TRANK1: variants seen among roughly 807,000 people sequenced by gnomAD.
TRANK1 encodes tetratricopeptide repeat and ankyrin repeat containing 1.
A neutral mutation model predicts 266.0 loss-of-function variants in TRANK1; 198 were observed. That is an observed-to-expected ratio of 0.74 (90% CI 0.66 to 0.84). TRANK1 has a LOEUF of 0.84. Among genes scored for constraint, TRANK1 ranks in the 40% least tolerant of loss-of-function variants. The pLI is 0.00. For synonymous variants in TRANK1, 1,396 were observed against 1,384.1 expected, an observed-to-expected ratio of 1.01 and a Z score of -0.19; for missense variants, 3,326 against 3,634.6, an observed-to-expected ratio of 0.92 and a Z score of 2.18.
rs1228958626 is a variant in TRANK1, at chr3:36,828,378, GAAGA to G, written c.8810-7_8810-4del. The G allele has an allele frequency of 1.6e-6, 2 of 1,249,918 alleles. No homozygotes were observed. The highest frequency in any genetic ancestry group is 2.1e-6 in the Non-Finnish European group (2 of 934,634). 77.4% of individuals were successfully genotyped at this position (1,249,918 alleles called of 1,614,324 possible). On this transcript the variant is annotated splice_region_variant and splice_polypyrimidine_tract_variant and intron_variant, in intron 23 of 23. Transcript: ENST00000645898. ...ATAATCATCTTCCTGAACAATACCT[GAAGA>G]AAGAAAGAAGGAAGGAAGGAAGGAA... is the stretch of plus-strand genomic sequence containing the variant.
intron 1 of TRANK1, among the ~76,000 whole-genome samples, chr3:36,921,342 T>A (rs1052103113): frequency 3.3e-5 from 5 of 152,234 alleles, no homozygotes; most frequent in Non-Finnish European, 7.3e-5. Flanking sequence ...CATTACTCCA[T>A]TCACGAGTCA....
chr3:36,871,646 T>C (rs1441486519), intron 9 of TRANK1, among the ~76,000 whole-genome samples: 1 of 152,010 alleles, frequency 6.6e-6, no homozygotes, highest in Non-Finnish European at 1.5e-5. Flanking sequence ...CTAAACATCA[T>C]ATGTCAAAGC....
intron 21 of TRANK1, 56 bp downstream of exon 21, chr3:36,834,706 C>T (rs930271912): frequency 6.4e-7 from 1 of 1,567,826 alleles, no homozygotes; most frequent in African/African-American, 1.4e-5. Context: ...AGCAGGCTGC[C>T]CCCAGAGAGA....
intron 18 of TRANK1, among the ~76,000 whole-genome samples, 162 bp from the exon 19 acceptor site, chr3:36,838,878 T>C (rs1575183859): frequency 6.6e-6 from 1 of 152,248 alleles, no homozygotes; most frequent in East Asian, 1.9e-4. Context: ...CTAAAGAAAG[T>C]AGTCTTGGAG....
At chr3:36,891,993 G>T (rs1399186126) in intron 7 of TRANK1, among the ~76,000 whole-genome samples, 1 of 152,212 alleles carries the variant, frequency 6.6e-6, no homozygotes, top group Non-Finnish European at 1.5e-5. Flanking sequence ...AATCCTTTCC[G>T]TTTGGACCTC....
intron 8 of TRANK1, among the ~76,000 whole-genome samples, chr3:36,882,194 C>T: frequency 6.6e-6 from 1 of 152,176 alleles, no homozygotes; most frequent in Non-Finnish European, 1.5e-5. Context: ...TTTTCTTACC[C>T]ACCAGCAATG....
chr3:36,839,202 T>C (rs2078810727), intron 18 of TRANK1, among the ~76,000 whole-genome samples: 1 of 152,126 alleles, frequency 6.6e-6, no homozygotes, highest in Non-Finnish European at 1.5e-5. Flanking sequence ...AAAGATGGTA[T>C]CACAACACAT....
chr3:36,848,379 T>C (rs1456172627), intron 15 of TRANK1, among the ~76,000 whole-genome samples: 1 of 152,252 alleles, frequency 6.6e-6, no homozygotes, highest in Non-Finnish European at 1.5e-5. Context: ...CAGACCCCAG[T>C]AAAACTGAAG....
rs2079451118 is a variant in TRANK1 at position 36,879,643 on chromosome 3, C to CAAATATATATAAATATATATAAATATAT, written c.908-5348_908-5347insATATATTTATATATATTTATATATATTT. Among the ~76,000 whole-genome samples the CAAATATATATAAATATATATAAATATAT allele has an allele frequency of 4.0e-5, 2 of 49,500 alleles. 1 individual carries two copies. Among genetic ancestry groups the CAAATATATATAAATATATATAAATATAT allele is most frequent in the East Asian group, 2.8e-3 (2 of 712 alleles). 32.5% of individuals were successfully genotyped at this position (49,500 alleles called of 152,430 possible). On this transcript the variant is annotated intron_variant, in intron 8 of 23. Transcript: ENST00000645898. The stretch of plus-strand genomic sequence containing the variant: ...ATATATATAAATATATATAAATATA[C>CAAATATATATAAATATATATAAATATAT]AAATATATATAAATATATAAATATA...
intron 1 of TRANK1, among the ~76,000 whole-genome samples, chr3:36,914,242 T>C (rs960409618): frequency 2.6e-5 from 4 of 151,978 alleles, no homozygotes; most frequent in Non-Finnish European, 1.5e-5. Flanking sequence ...CAAGCTATTC[T>C]CCTGCCTCAG....
intron 1 of TRANK1, among the ~76,000 whole-genome samples, chr3:36,930,886 A>C (rs1171962410): frequency 1.3e-5 from 2 of 152,202 alleles, no homozygotes; most frequent in East Asian, 3.8e-4. Context: ...TGTTTGTTAA[A>C]ACTCACTGAG....
chr3:36,907,085 A>C (rs1468357923), intron 2 of TRANK1, among the ~76,000 whole-genome samples: 2 of 152,206 alleles, frequency 1.3e-5, no homozygotes, highest in Non-Finnish European at 2.9e-5. Context: ...ATTTACAAAA[A>C]TGTACAAGTT....
intron 23 of TRANK1, 41 bp from the exon 24 acceptor site, chr3:36,828,416 G>GGAAA: frequency 5.5e-6 from 4 of 733,174 alleles, no homozygotes; most frequent in Non-Finnish European, 7.0e-6. Flanking sequence ...AAGGAAAGAA[G>GGAAA]GGAGGGAGGG....
intron 1 of TRANK1, among the ~76,000 whole-genome samples, chr3:36,938,906 G>A (rs1575340441): frequency 6.6e-6 from 1 of 151,906 alleles, no homozygotes; most frequent in Admixed American, 6.6e-5. Context: ...GCTGCAGTGA[G>A]CCTAGATCGT....
Position 36,831,721 on chromosome 3 carries a change from G to T in TRANK1, c.7862C>A (p.Ala2621Glu). Residue 2621 changes from alanine to glutamate, a missense_variant, in exon 22 of 24, where the codon GCA becomes GAA. By Grantham distance (107) the Ala-to-Glu change is moderately radical. Transcript: ENST00000645898. The surrounding 1 kb of genome is among the most constrained non-coding windows in gnomAD (Gnocchi z 5.0). ...CTCAGCCACAGACTTCACATTGACT[G>T]CCACCAAGACCCGCTTCACCACCTT... ...LLKVVKRVLV[A>E]VNVKSVAEAL... is the part of the protein sequence containing the mutation. 1 of 1,613,906 alleles carries T rather than the reference G, an allele frequency of 6.2e-7. No individual in the cohort carries two copies. Among genetic ancestry groups the T allele is most frequent in the Middle Eastern group, 1.6e-4 (1 of 6,062 alleles).
intron 15 of TRANK1, 85 bp from the exon 16 acceptor site, chr3:36,847,431 G>A (rs1344822488): frequency 1.4e-6 from 2 of 1,466,656 alleles, no homozygotes; most frequent in East Asian, 4.8e-5. Context: ...GGAAAACTAA[G>A]CCTCATCGGG....
chr3:36,908,674 G>A (rs750975009), intron 1 of TRANK1: 9 of 972,676 alleles, frequency 9.3e-6, no homozygotes, highest in Non-Finnish European at 1.1e-5. Flanking sequence ...AGGGTGGCCA[G>A]ACCAATTCCA....
At chr3:36,861,551 A>G (rs1311659266) in intron 10 of TRANK1, among the ~76,000 whole-genome samples, 1 of 152,182 alleles carries the variant, frequency 6.6e-6, no homozygotes, top group Non-Finnish European at 1.5e-5. Flanking sequence ...TTAAAACGTC[A>G]AGAGCCATAA....
Position 36,832,028 on chromosome 3 carries a change from T to C in TRANK1, c.7555A>G (p.Ile2519Val), listed in dbSNP as rs757403036. 16 of 1,613,940 alleles carry C rather than the reference T, an allele frequency of 9.9e-6. No homozygotes were observed. The highest frequency in any genetic ancestry group is 1.3e-5 in the Non-Finnish European group (15 of 1,179,904). ...GAGAGATGGAACCGGAAATCCTGAA[T>C]GGCTCTTGTCACGTCCTTGGGTTTG... Reference protein sequence around the residue: ...EYKPKDVTRAIQDFRFHLSYL... With the variant: ...EYKPKDVTRAVQDFRFHLSYL... The change falls in exon 22 of 24, where the codon ATT (isoleucine) becomes GTT (valine). Residue 2519 changes from isoleucine to valine, a missense_variant. By Grantham distance (29) the Ile-to-Val change is conservative. Coordinates refer to ENST00000645898, the MANE Select transcript of TRANK1 (RefSeq NM_001329998.2).
Sources: allele counts gnomAD v4.1 joint callset (sites outside exome capture counted in the v4.1 genomes callset), GRCh38; gene constraint gnomAD v4.1.1; non-coding constraint Gnocchi (gnomAD v3.1); transcripts MANE v1.5; gene names NCBI Gene and HGNC (gene_info 2026-07-23, HGNC 2026-07-21).